Variants in KLHL3 observed in about 807,000 individuals in gnomAD.
The protein encoded by KLHL3 is kelch-like protein 3.
In KLHL3, 19 loss-of-function variants were observed where a neutral mutation model predicts 70.5. That is an observed-to-expected ratio of 0.27 (90% CI 0.19 to 0.40). KLHL3 has a LOEUF of 0.40. KLHL3 is among the 10% of genes least tolerant of loss of function. The probability of loss-of-function intolerance (pLI) is 1.00; values close to 1 mark genes in which losing one functional copy is unlikely to be tolerated. For missense variants in KLHL3, 512 were observed against 771.1 expected, an observed-to-expected ratio of 0.66 and a Z score of 3.98; for synonymous variants, 258 against 290.3, an observed-to-expected ratio of 0.89 and a Z score of 1.13.
intron 1 of KLHL3, among the ~76,000 whole-genome samples, chr5:137,734,807 T>C (rs756573774): frequency 5.3e-5 from 8 of 152,324 alleles, no homozygotes; most frequent in Non-Finnish European, 8.8e-5. Context: ...TTTTACTTCA[T>C]AGACAGAGGA....
intron 5 of KLHL3, among the ~76,000 whole-genome samples, chr5:137,680,705 GCTTAT>G (rs1752002935): frequency 6.6e-6 from 1 of 152,002 alleles, no homozygotes; most frequent in African/African-American, 2.4e-5. Flanking sequence ...ACCACGCCCA[GCTTAT>G]CTTTTGTATT....
chr5:137,725,844 A>G (rs61460158), intron 1 of KLHL3, among the ~76,000 whole-genome samples: 3,511 of 152,290 alleles, frequency 0.023, 125 homozygotes, highest in African/African-American at 0.079. Context: ...CAGCCCACAG[A>G]AAGGGTGTTG....
intron 5 of KLHL3, among the ~76,000 whole-genome samples, chr5:137,682,585 C>A (rs1283714000): frequency 1.3e-5 from 2 of 152,138 alleles, no homozygotes; most frequent in Non-Finnish European, 2.9e-5. Flanking sequence ...TTTCCCTAAT[C>A]CCCCCATCCA....
intron 3 of KLHL3, among the ~76,000 whole-genome samples, chr5:137,704,268 C>A (rs1393179873): frequency 6.6e-6 from 1 of 151,988 alleles, no homozygotes; most frequent in Non-Finnish European, 1.5e-5. Flanking sequence ...GCCTGTAGTC[C>A]CAGCTACTGG....
In KLHL3 at chr5:137,692,819, TACAC is replaced by T. The variant is rs3045645; in HGVS notation, c.364-376_364-373del. ...AACCACACTTTGAGTAACAAAACTC[TACAC>T]ACACACACACACACACACACACACA... On this transcript the variant is annotated intron_variant, in intron 4 of 14. Transcript: ENST00000309755. 1.4e-3 allele frequency: 243 copies of T among 168,270 alleles called. 4 individuals carry two copies. The highest frequency in any genetic ancestry group is 7.8e-3 in the East Asian group (43 of 5,510). The allele number at this position is 168,270 out of a possible 1,614,324, so 10.4% of individuals were successfully genotyped here. A position where few individuals can be genotyped will look rare whatever the true frequency, so the allele number is the denominator to read the frequency against.
chr5:137,641,233 C>G (rs1173081478), intron 8 of KLHL3, among the ~76,000 whole-genome samples: 1 of 152,208 alleles, frequency 6.6e-6, no homozygotes, highest in Non-Finnish European at 1.5e-5. Flanking sequence ...GAAGTCACAA[C>G]CAGCAAATTC....
At position 137,634,083 on chromosome 5, in the gene KLHL3, A is replaced by G. The variant is rs1368760764; in HGVS notation, c.1404T>C (p.Asn468=). The G allele has an allele frequency of 1.2e-6, 2 of 1,614,190 alleles. No homozygotes were observed. Among genetic ancestry groups the G allele is most frequent in the East Asian group, 2.2e-5 (1 of 44,884 alleles). Residue 468 remains asparagine, a synonymous_variant, in exon 12 of 15, where the codon AAT becomes AAC. Coordinates refer to ENST00000309755, the MANE Select transcript of KLHL3 (RefSeq NM_017415.3). ...TCATGTCCGCCACGTATATCCATTC[A>G]TTGGTCGCTGGGTTGTACTGCTCCA... ...STVEQYNPAT[N]EWIYVADMST...
intron 2 of KLHL3, 33 bp downstream of exon 2, chr5:137,720,432 T>C (rs1192356893): frequency 6.2e-7 from 1 of 1,613,636 alleles, no homozygotes; most frequent in Admixed American, 1.7e-5. Context: ...ACAAGTTCCT[T>C]CTGCAAGGGC....
chr5:137,647,631 C>T (rs1441169732), intron 8 of KLHL3: 3 of 470,032 alleles, frequency 6.4e-6, no homozygotes, highest in South Asian at 1.6e-5. Flanking sequence ...TACCCTGGTG[C>T]GTGGGGCCGC....
intron 5 of KLHL3, 91 bp downstream of exon 5, chr5:137,692,194 C>T (rs78261940): frequency 1.8e-6 from 2 of 1,139,690 alleles, no homozygotes; most frequent in Non-Finnish European, 2.5e-6. Context: ...ACAGCAGAGA[C>T]CACTTCTCAT....
intron 6 of KLHL3, among the ~76,000 whole-genome samples, chr5:137,663,056 CTTTTTTTTTTTT>C (rs139890036): frequency 5.1e-5 from 4 of 77,928 alleles, no homozygotes; most frequent in East Asian, 4.3e-4. Flanking sequence ...AGCACTCGTT[CTTTTTTTTTTTT>C]TTTTTTTTTT....
At chr5:137,687,393 C>G (rs1752211455) in intron 5 of KLHL3, among the ~76,000 whole-genome samples, 1 of 29,744 alleles carries the variant, frequency 3.4e-5, no homozygotes, top group African/African-American at 1.9e-4. Context: ...GCCTGGCGAG[C>G]CGCCCCGTCC....
intron 2 of KLHL3, among the ~76,000 whole-genome samples, chr5:137,719,422 G>A (rs1752955595): frequency 1.3e-5 from 2 of 152,172 alleles, no homozygotes; most frequent in South Asian, 4.1e-4. Context: ...ACAGAAAAAA[G>A]ATGAAATAAA....
At chr5:137,700,609 T>C (rs1362513853) in intron 3 of KLHL3, among the ~76,000 whole-genome samples, 1 of 152,212 alleles carries the variant, frequency 6.6e-6, no homozygotes, top group Non-Finnish European at 1.5e-5. Context: ...CTTACAGGCG[T>C]CTATGATTCA....
rs1753254513 is a variant in KLHL3 at position 137,735,931 on chromosome 5, G to A, written c.-285C>T. On this transcript the variant is annotated 5_prime_UTR_variant, in exon 1 of 15. Coordinates refer to ENST00000309755, the MANE Select transcript of KLHL3 (RefSeq NM_017415.3). ...ACCCACTTGCTCCCCCTCCCCCGCA[G>A]GCTTGCTGCTCCTTGGTCTCCTAGG... The A allele has an allele frequency of 3.9e-6, 2 of 511,854 alleles. No individual in the cohort carries two copies. Among genetic ancestry groups the A allele is most frequent in the African/African-American group, 1.9e-5 (1 of 51,988 alleles). The allele number at this position is 511,854 out of a possible 1,614,324, so 31.7% of individuals were successfully genotyped here.
At chr5:137,630,808 G>A (rs893902098) in intron 12 of KLHL3, among the ~76,000 whole-genome samples, 2 of 152,050 alleles carry the variant, frequency 1.3e-5, no homozygotes, top group Non-Finnish European at 2.9e-5. Context: ...ACCAAGTCCC[G>A]GGCCTCCTGA....
At chr5:137,632,013 C>T (rs1409324615) in intron 12 of KLHL3, among the ~76,000 whole-genome samples, 1 of 152,098 alleles carries the variant, frequency 6.6e-6, no homozygotes, top group Non-Finnish European at 1.5e-5. Flanking sequence ...TCACAGATTA[C>T]ACAAACTGGA....
chr5:137,650,891 A>AAAAG (rs148914584), intron 8 of KLHL3, among the ~76,000 whole-genome samples: 10 of 151,606 alleles, frequency 6.6e-5, no homozygotes, highest in African/African-American at 1.9e-4. Flanking sequence ...AGATTTAAAA[A>AAAAG]AAAGAAAGAA....
intron 13 of KLHL3, chr5:137,628,042 G>T: frequency 2.0e-6 from 1 of 493,392 alleles, no homozygotes. Flanking sequence ...TCATCTGTGT[G>T]CGGTAAAAGT....
Sources: gnomAD v4.1 joint callset for allele counts (sites outside exome capture counted in the v4.1 genomes callset) on GRCh38, gnomAD v4.1.1 for gene constraint, MANE v1.5 for transcripts, NCBI Gene and HGNC (gene_info 2026-07-23, HGNC 2026-07-21) for gene names.